Variants in VAC14 observed in about 807,000 individuals in gnomAD.
The protein encoded by VAC14 is protein VAC14 homolog.
In VAC14, 47 loss-of-function variants were observed where a neutral mutation model predicts 85.3. The observed-to-expected ratio is 0.55, with a 90% CI of 0.44 to 0.70. The LOEUF (loss-of-function observed/expected upper bound fraction) is 0.70, where lower values mean the gene tolerates loss of function less well. Among genes scored for constraint, VAC14 ranks in the 30% least tolerant of loss-of-function variants. VAC14 has a pLI of 0.00. For missense variants in VAC14, 861 were observed against 1,004.3 expected (o/e 0.86, Z 1.93); for synonymous variants, 447 against 430.5 (o/e 1.04, Z -0.47).
Position 70,711,929 on chromosome 16 carries a change from G to A in VAC14, c.1662-13118C>T, listed in dbSNP as rs1233031134. Among the ~76,000 whole-genome samples, 4 of 152,192 alleles carry A rather than the reference G, an allele frequency of 2.6e-5. No individual in the cohort carries two copies. The East Asian group carries it at 7.7e-4, about 29-fold the overall frequency. On this transcript the variant is annotated intron_variant, in intron 14 of 18. Transcript: ENST00000261776. ...AGAGCAGCCTCACGGCGGCCTCTGA[G>A]AGGCCGGTAAAAAGATCAGAGTCTC...
chr16:70,743,493 C>T (rs61552296), intron 13 of VAC14, among the ~76,000 whole-genome samples: 1 of 152,238 alleles, frequency 6.6e-6, no homozygotes, highest in African/African-American at 2.4e-5. Context: ...AGCTGTAACA[C>T]TTGCCGCAAA....
At position 70,797,335 on chromosome 16, in the gene VAC14, G is replaced by A. The variant is rs2034588924; in HGVS notation, c.104+3462C>T. 2.0e-5 allele frequency among the ~76,000 whole-genome samples: 3 copies of A among 152,052 alleles called. 1 individual carries two copies. Among genetic ancestry groups the A allele is most frequent in the African/African-American group, 7.2e-5 (3 of 41,400 alleles). On this transcript the variant is annotated intron_variant, in intron 1 of 18. Coordinates refer to ENST00000261776, the MANE Select transcript of VAC14 (RefSeq NM_018052.5). ...GTTAGGGTTACATTGGGCCCACCTC[G>A]ATAATACAGGATAATCTCTCTATTT... is the stretch of plus-strand genomic sequence containing the variant.
At chr16:70,766,501 C>CG (rs1422825676) in intron 10 of VAC14, 1 of 456,648 alleles carries the variant, frequency 2.2e-6, no homozygotes, top group Non-Finnish European at 4.4e-6. Context: ...GCTACTGAGG[C>CG]GGTCCTGCCG....
chr16:70,772,255 G>C (rs759750482), intron 9 of VAC14, 83 bp from the exon 10 acceptor site: 21 of 1,187,772 alleles, frequency 1.8e-5, no homozygotes, highest in Non-Finnish European at 2.4e-5. Flanking sequence ...AGCACACACA[G>C]AACTCTCCAG....
At chr16:70,734,553 T>G (rs1352464452) in intron 13 of VAC14, among the ~76,000 whole-genome samples, 1 of 152,232 alleles carries the variant, frequency 6.6e-6, no homozygotes, top group Non-Finnish European at 1.5e-5. Context: ...TTACCTAATC[T>G]AAGGTCATAA....
In VAC14 at chr16:70,762,597, C is replaced by T; in HGVS notation, c.1314G>A (p.Arg438=). 1 of 1,614,004 alleles carries T rather than the reference C, an allele frequency of 6.2e-7. No homozygotes were observed. Among genetic ancestry groups the T allele is most frequent in the Non-Finnish European group, 8.5e-7 (1 of 1,179,946 alleles). ...GGATGGGAAAGAGGCTGTCCGTGTGCCGGAACATCTGGAGGGCAGAGAAGC... is the reference window on the plus strand; with the variant it reads ...GGATGGGAAAGAGGCTGTCCGTGTGTCGGAACATCTGGAGGGCAGAGAAGC... ...LYIKTPRKMF[R]HTDSLFPILL... The change falls in exon 12 of 19, where the codon CGG becomes CGA. Residue 438 remains arginine (R), a synonymous_variant. Coordinates refer to ENST00000261776, the MANE Select transcript of VAC14 (RefSeq NM_018052.5). The surrounding 1 kb of genome is among the most constrained non-coding windows in gnomAD (Gnocchi z 4.1).
At chr16:70,786,421 CA>C (rs2034062884) in intron 1 of VAC14, 56 bp from the exon 2 acceptor site, 1 of 1,591,138 alleles carries the variant, frequency 6.3e-7, no homozygotes, top group African/African-American at 1.3e-5. Flanking sequence ...CTGTGGCCTC[CA>C]GGGCCTGGGG....
At chr16:70,720,634 C>T (rs2054266541) in intron 14 of VAC14, among the ~76,000 whole-genome samples, 1 of 152,176 alleles carries the variant, frequency 6.6e-6, no homozygotes, top group Non-Finnish European at 1.5e-5. Context: ...ATGCAAATAG[C>T]AAGCCTGGGG....
At chr16:70,759,254 C>T (rs2032119559) in intron 12 of VAC14, among the ~76,000 whole-genome samples, 1 of 152,100 alleles carries the variant, frequency 6.6e-6, no homozygotes, top group African/African-American at 2.4e-5. Context: ...AGTGAATGTC[C>T]CAAATATACA....
At chr16:70,735,576 G>C (rs2054725099) in intron 13 of VAC14, among the ~76,000 whole-genome samples, 1 of 152,174 alleles carries the variant, frequency 6.6e-6, no homozygotes, top group Non-Finnish European at 1.5e-5. Context: ...GAGATGGCTG[G>C]GTCTAGAAAA....
intron 4 of VAC14, 23 bp from the exon 5 acceptor site, chr16:70,784,243 C>G: frequency 1.2e-6 from 2 of 1,604,392 alleles, no homozygotes; most frequent in Non-Finnish European, 1.7e-6. Context: ...GGAAAGTGAG[C>G]TGCCGAGAGC....
Position 70,762,600 on chromosome 16 carries a change from G to A in VAC14, c.1311C>T (p.Phe437=), listed in dbSNP as rs778486731. 4 of 1,614,024 alleles carry A rather than the reference G, an allele frequency of 2.5e-6. No individual in the cohort carries two copies. The highest frequency in any genetic ancestry group is 3.4e-6 in the Non-Finnish European group (4 of 1,179,964). The part of the protein sequence containing the change: ...HLYIKTPRKM[F]RHTDSLFPIL... ...TGGGAAAGAGGCTGTCCGTGTGCCGGAACATCTGGAGGGCAGAGAAGCAGG... is the reference window on the plus strand; with the variant it reads ...TGGGAAAGAGGCTGTCCGTGTGCCGAAACATCTGGAGGGCAGAGAAGCAGG... The change falls in exon 12 of 19, where the codon TTC becomes TTT. Residue 437 remains phenylalanine, a synonymous_variant. Transcript: ENST00000261776. The surrounding 1 kb of genome is among the most constrained non-coding windows in gnomAD (Gnocchi z 4.1).
chr16:70,760,962 G>GTGT (rs2032283824), intron 12 of VAC14, among the ~76,000 whole-genome samples: 1 of 47,602 alleles, frequency 2.1e-5, no homozygotes, highest in Non-Finnish European at 3.9e-5. Context: ...ACGAAGAGAG[G>GTGT]GTGTGTGTGT....
intron 9 of VAC14, among the ~76,000 whole-genome samples, chr16:70,779,841 T>C (rs549233524): frequency 5.1e-4 from 78 of 151,774 alleles, no homozygotes; most frequent in African/African-American, 1.8e-3. Context: ...GTTTCTTTTT[T>C]CTTTTTTTTT....
At chr16:70,743,892 T>C (rs1209512424) in intron 13 of VAC14, among the ~76,000 whole-genome samples, 1 of 152,116 alleles carries the variant, frequency 6.6e-6, no homozygotes, top group African/African-American at 2.4e-5. Context: ...TGGCCTGCCA[T>C]CTGGAAGGGA....
At chr16:70,721,731 ACCCTC>A (rs1160423574) in intron 14 of VAC14, among the ~76,000 whole-genome samples, 3 of 151,970 alleles carry the variant, frequency 2.0e-5, no homozygotes, top group African/African-American at 7.3e-5. Context: ...CAGAACACGA[ACCCTC>A]CAGGCCCCTC....
At chr16:70,705,240 GCTT>G (rs1449458854) in intron 14 of VAC14, among the ~76,000 whole-genome samples, 3 of 152,094 alleles carry the variant, frequency 2.0e-5, no homozygotes, top group South Asian at 2.1e-4. Context: ...CTTGGGCCTG[GCTT>G]CTTAAGAGGG....
At chr16:70,795,676 C>A (rs1222816386) in intron 1 of VAC14, among the ~76,000 whole-genome samples, 2 of 152,190 alleles carry the variant, frequency 1.3e-5, no homozygotes, top group Non-Finnish European at 2.9e-5. Flanking sequence ...AGGCGTGATT[C>A]AGGAGCTCTG....
At chr16:70,735,338 A>G (rs1309267625) in intron 13 of VAC14, among the ~76,000 whole-genome samples, 1 of 111,932 alleles carries the variant, frequency 8.9e-6, no homozygotes, top group Non-Finnish European at 1.7e-5. Flanking sequence ...CTGGGAACCA[A>G]ACTTGGCCAG....
Sources: allele counts gnomAD v4.1 joint callset (sites outside exome capture counted in the v4.1 genomes callset), GRCh38; gene constraint gnomAD v4.1.1; non-coding constraint Gnocchi (gnomAD v3.1); transcripts MANE v1.5; gene names NCBI Gene and HGNC (gene_info 2026-07-23, HGNC 2026-07-21).